The following DEFB113 variants were observed in gnomAD, a reference collection of about 807,000 sequenced individuals.
DEFB113 encodes the protein defensin beta 113.
In DEFB113, 5 loss-of-function variants were observed where a neutral mutation model predicts 2.5. The observed-to-expected ratio is 1.99, with a 90% CI of 1.04 to 4.18. DEFB113 has a LOEUF of 4.18. Ranked by LOEUF, DEFB113 falls within the 30% of genes most tolerant of loss-of-function variation. The probability of loss-of-function intolerance (pLI) is 0.00; values close to 1 mark genes in which losing one functional copy is unlikely to be tolerated. For synonymous variants in DEFB113, 42 were observed against 31.6 expected, an observed-to-expected ratio of 1.33 and a Z score of -1.11; for missense variants, 123 against 96.6, an observed-to-expected ratio of 1.27 and a Z score of -1.14.
At position 49,969,568 on chromosome 6, in the gene DEFB113, C is replaced by G. The variant is rs776830114; in HGVS notation, c.58G>C (p.Val20Leu). 3 of 1,597,440 alleles carry G rather than the reference C, an allele frequency of 1.9e-6. No homozygotes were observed. The highest frequency in any genetic ancestry group is 1.7e-4 in the Middle Eastern group (1 of 5,990). The change falls in exon 1 of 2, where the codon GTT (valine) becomes CTT (leucine). Residue 20 changes from valine to leucine, a missense_variant and splice_region_variant. Transcript: ENST00000398718. ...FVFTVSCGPS[V>L]PQKKTREVAE... ...TCTTTTTTATAATAACAAATATTAC[C>G]TGATGGACCACAAGACACAGTGAAG... is the stretch of plus-strand genomic sequence containing the variant.
chr6:49,968,690 A>C lies in DEFB113; in HGVS notation c.236T>G (p.Leu79Arg), dbSNP rs1007625845. ...KPIINKITSK[L>R]HQK is the part of the protein sequence containing the mutation. ...TATAATTATAATTTATTTTTGATGGAGTTTACTAGTGATTTTGTTAATGAT... is the reference window on the plus strand; with the variant it reads ...TATAATTATAATTTATTTTTGATGGCGTTTACTAGTGATTTTGTTAATGAT... The change falls in exon 2 of 2, where the codon CTC becomes CGC. Residue 79 changes from leucine (L) to arginine (R), a missense_variant. Coordinates refer to ENST00000398718, the MANE Select transcript of DEFB113 (RefSeq NM_001037729.1). 1.4e-6 allele frequency: 2 copies of C among 1,471,910 alleles called. No individual in the cohort carries two copies. Among genetic ancestry groups the C allele is most frequent in the African/African-American group, 1.5e-5 (1 of 68,714 alleles). 91.2% of individuals were successfully genotyped at this position (1,471,910 alleles called of 1,614,324 possible).
chr6:49,969,342 A>G (rs577937110), intron 1 of DEFB113, among the ~76,000 whole-genome samples: 2 of 151,172 alleles, frequency 1.3e-5, no homozygotes, highest in African/African-American at 2.4e-5. Context: ...ACACAAAACA[A>G]CACAATAAAT....
intron 1 of DEFB113, 47 bp downstream of exon 1, chr6:49,969,521 T>C: frequency 1.5e-6 from 2 of 1,328,592 alleles, no homozygotes; most frequent in Non-Finnish European, 2.1e-6. Flanking sequence ...AAAGCATTTA[T>C]AAGAACATTT....
intron 1 of DEFB113, 57 bp from the exon 2 acceptor site, chr6:49,968,924 T>C: frequency 6.8e-7 from 1 of 1,461,118 alleles, no homozygotes; most frequent in Non-Finnish European, 9.1e-7. Context: ...GATACAGAGA[T>C]GAATAAACTC....
intron 1 of DEFB113, 96 bp from the exon 2 acceptor site, chr6:49,968,963 T>C: frequency 5.0e-6 from 6 of 1,206,294 alleles, no homozygotes; most frequent in Non-Finnish European, 6.6e-6. Context: ...ACCATTTTGT[T>C]TCTGAAATCA....
In DEFB113 at chr6:49,968,736, C is replaced by T. The variant is rs1298637981; in HGVS notation, c.190G>A (p.Val64Ile). The T allele has an allele frequency of 1.2e-5, 18 of 1,564,892 alleles. No individual in the cohort carries two copies. The highest frequency in any genetic ancestry group is 1.6e-5 in the Non-Finnish European group (18 of 1,154,202). The change falls in exon 2 of 2, where the codon GTA becomes ATA. Residue 64 changes from valine (V) to isoleucine (I), a missense_variant. By Grantham distance (29) the Val-to-Ile change is conservative (BLOSUM62 3). Coordinates refer to ENST00000398718, the MANE Select transcript of DEFB113 (RefSeq NM_001037729.1). ...ATGATTGGCTTTTGGTATTCCCATA[C>T]CGCACAGCAGGGGTTAACATTGCAG... ...YYCNVNPCCA[V>I]WEYQKPIINK...
Position 49,969,574 on chromosome 6 carries a change from G to T in DEFB113, c.52C>A (p.Pro18Thr), listed in dbSNP as rs868598053. The T allele has an allele frequency of 6.2e-7, 1 of 1,600,628 alleles. No homozygotes were observed. The highest frequency in any genetic ancestry group is 1.3e-5 in the African/African-American group (1 of 74,162). Reference protein sequence around the residue: ...LTFVFTVSCGPSVPQKKTREV... With the variant: ...LTFVFTVSCGTSVPQKKTREV... ...TTATAATAACAAATATTACCTGATG[G>T]ACCACAAGACACAGTGAAGACAAAG... The change falls in exon 1 of 2, where the codon CCA (proline) becomes ACA (threonine). Residue 18 changes from proline (P) to threonine (T), a missense_variant. Coordinates refer to ENST00000398718, the MANE Select transcript of DEFB113 (RefSeq NM_001037729.1).
rs962030000 is a variant in DEFB113, at chr6:49,969,572, T to C, written c.54A>G (p.Pro18=). 10 of 1,601,826 alleles carry C rather than the reference T, an allele frequency of 6.2e-6. No individual in the cohort carries two copies. The highest frequency in any genetic ancestry group is 8.5e-6 in the Non-Finnish European group (10 of 1,171,654). Residue 18 remains proline (P), a synonymous_variant, in exon 1 of 2, where the codon CCA becomes CCG. Coordinates refer to ENST00000398718, the MANE Select transcript of DEFB113 (RefSeq NM_001037729.1). ...TTTTATAATAACAAATATTACCTGA[T>C]GGACCACAAGACACAGTGAAGACAA... The part of the protein sequence containing the change: ...LTFVFTVSCG[P]SVPQKKTREV...
intron 1 of DEFB113, among the ~76,000 whole-genome samples, chr6:49,969,356 T>C (rs1327463742): frequency 2.6e-5 from 4 of 151,196 alleles, no homozygotes; most frequent in Non-Finnish European, 5.9e-5. Context: ...AATAAATAAA[T>C]TTAATTCTAC....
intron 1 of DEFB113, 89 bp from the exon 2 acceptor site, chr6:49,968,956 AT>A (rs1773590117): frequency 7.9e-7 from 1 of 1,267,428 alleles, no homozygotes; most frequent in African/African-American, 1.6e-5. Flanking sequence ...GAGTTAAACC[AT>A]TTTGTTTCTG....
chr6:49,968,767 A>AT lies in DEFB113; in HGVS notation c.158dup (p.Tyr53Ter), dbSNP rs1773586232. ...KPECNSWEYV[Y>*]YYCNVNPCCA... Reference sequence around the variant, plus strand: ...AGCAGGGGTTAACATTGCAGTAATAATATACATATTCCCAGCTGTTGCATT... The same window carrying AT: ...AGCAGGGGTTAACATTGCAGTAATAATTATACATATTCCCAGCTGTTGCATT... Residue 53 changes from tyrosine to a stop codon, truncating the protein, a stop_gained and frameshift_variant, in exon 2 of 2, where the codon TAT becomes TAAT. Transcript: ENST00000398718. LOFTEE classifies it low-confidence loss of function (END_TRUNC). 3 of 1,600,338 alleles carry AT rather than the reference A, an allele frequency of 1.9e-6. No homozygotes were observed. The highest frequency in any genetic ancestry group is 2.6e-6 in the Non-Finnish European group (3 of 1,173,166).
In DEFB113 at chr6:49,968,783, C is replaced by G; in HGVS notation, c.143G>C (p.Ser48Thr). 6.2e-7 allele frequency: 1 copy of G among 1,604,994 alleles called. No individual in the cohort carries two copies. The highest frequency in any genetic ancestry group is 1.7e-5 in the Admixed American group (1 of 58,898). ...VRGACKPECN[S>T]WEYVYYYCNV... ...GCAGTAATAATATACATATTCCCAG[C>G]TGTTGCATTCCGGCTTGCAAGCACC... Residue 48 changes from serine to threonine, a missense_variant, in exon 2 of 2, where the codon AGC becomes ACC. Coordinates refer to ENST00000398718, the MANE Select transcript of DEFB113 (RefSeq NM_001037729.1).
intron 1 of DEFB113, 89 bp from the exon 2 acceptor site, chr6:49,968,956 A>G: frequency 1.6e-6 from 2 of 1,267,428 alleles, no homozygotes; most frequent in Non-Finnish European, 2.1e-6. Context: ...GAGTTAAACC[A>G]TTTTGTTTCT....
rs772880812 is a variant in DEFB113, at chr6:49,968,840, G to T, written c.86C>A (p.Ala29Glu). ...SVPQKKTREV[A>E]ERKRECQLVR... is the part of the protein sequence containing the mutation. Reference sequence around the variant, plus strand: ...AAGCTGACATTCTCTTTTTCTCTCTGCAACTTCTCTTGTTTTTTTCTGTGG... The same window carrying T: ...AAGCTGACATTCTCTTTTTCTCTCTTCAACTTCTCTTGTTTTTTTCTGTGG... Residue 29 changes from alanine (A) to glutamate (E), a missense_variant, in exon 2 of 2, where the codon GCA (alanine) becomes GAA (glutamate). Coordinates refer to ENST00000398718, the MANE Select transcript of DEFB113 (RefSeq NM_001037729.1). 6.3e-7 allele frequency: 1 copy of T among 1,598,500 alleles called. No homozygotes were observed.
In DEFB113 at chr6:49,968,783, C is replaced by T; in HGVS notation, c.143G>A (p.Ser48Asn). 6.2e-7 allele frequency: 1 copy of T among 1,604,994 alleles called. No homozygotes were observed. The highest frequency in any genetic ancestry group is 1.7e-4 in the Middle Eastern group (1 of 6,038). Residue 48 changes from serine (S) to asparagine (N), a missense_variant, in exon 2 of 2, where the codon AGC becomes AAC. Coordinates refer to ENST00000398718, the MANE Select transcript of DEFB113 (RefSeq NM_001037729.1). ...GCAGTAATAATATACATATTCCCAGCTGTTGCATTCCGGCTTGCAAGCACC... is the reference window on the plus strand; with the variant it reads ...GCAGTAATAATATACATATTCCCAGTTGTTGCATTCCGGCTTGCAAGCACC... ...VRGACKPECN[S>N]WEYVYYYCNV...
At chr6:49,969,210 C>T (rs1773594885) in intron 1 of DEFB113, among the ~76,000 whole-genome samples, 1 of 150,968 alleles carries the variant, frequency 6.6e-6, no homozygotes, top group South Asian at 2.1e-4. Flanking sequence ...TTCTCTCTAC[C>T]CCTAGCAATC....
Position 49,968,692 on chromosome 6 carries a change from T to C in DEFB113, c.234A>G (p.Lys78=). 6.7e-7 allele frequency: 1 copy of C among 1,486,206 alleles called. No homozygotes were observed. Among genetic ancestry groups the C allele is most frequent in the Non-Finnish European group, 9.0e-7 (1 of 1,114,532 alleles). The allele number at this position is 1,486,206 out of a possible 1,614,324, so 92.1% of individuals were successfully genotyped here. ...TAATTATAATTTATTTTTGATGGAG[T>C]TTACTAGTGATTTTGTTAATGATTG... ...QKPIINKITS[K]LHQK is the part of the protein sequence containing the mutation. The change falls in exon 2 of 2, where the codon AAA becomes AAG. Residue 78 remains lysine (K), a synonymous_variant. Coordinates refer to ENST00000398718, the MANE Select transcript of DEFB113 (RefSeq NM_001037729.1).
rs1380169639 is a variant in DEFB113 at position 49,968,759 on chromosome 6, C to A, written c.167G>T (p.Cys56Phe). The A allele has an allele frequency of 6.3e-7, 1 of 1,595,834 alleles. No homozygotes were observed. Among genetic ancestry groups the A allele is most frequent in the Admixed American group, 1.7e-5 (1 of 57,762 alleles). Residue 56 changes from cysteine (C) to phenylalanine (F), a missense_variant, in exon 2 of 2, where the codon TGC becomes TTC. Cys to Phe is a radical substitution (Grantham distance 205, BLOSUM62 -2). Coordinates refer to ENST00000398718, the MANE Select transcript of DEFB113 (RefSeq NM_001037729.1). ...TACCGCACAGCAGGGGTTAACATTGCAGTAATAATATACATATTCCCAGCT... is the reference window on the plus strand; with the variant it reads ...TACCGCACAGCAGGGGTTAACATTGAAGTAATAATATACATATTCCCAGCT... ...CNSWEYVYYY[C>F]NVNPCCAVWE...
At position 49,968,784 on chromosome 6, in the gene DEFB113, T is replaced by C. The variant is rs767544216; in HGVS notation, c.142A>G (p.Ser48Gly). The change falls in exon 2 of 2, where the codon AGC (serine) becomes GGC (glycine). Residue 48 changes from serine (S) to glycine (G), a missense_variant. Transcript: ENST00000398718. The part of the protein sequence containing the change: ...VRGACKPECN[S>G]WEYVYYYCNV... ...CAGTAATAATATACATATTCCCAGC[T>C]GTTGCATTCCGGCTTGCAAGCACCA... The C allele has an allele frequency of 6.2e-7, 1 of 1,605,608 alleles. No individual in the cohort carries two copies. The highest frequency in any genetic ancestry group is 1.1e-5 in the South Asian group (1 of 89,878).
Sources: allele counts gnomAD v4.1 joint callset (sites outside exome capture counted in the v4.1 genomes callset), GRCh38; gene constraint gnomAD v4.1.1; transcripts MANE v1.5; gene names NCBI Gene and HGNC (gene_info 2026-07-23, HGNC 2026-07-21).